The following PKNOX1 variants were observed in gnomAD, a reference collection of about 807,000 sequenced individuals.
The protein encoded by PKNOX1 is PBX/knotted 1 homeobox 1, also known as homeobox protein PKNOX1.
Under a neutral mutation model 51.9 loss-of-function variants are expected in PKNOX1, and 15 were observed. The observed-to-expected ratio is 0.29, with a 90% CI of 0.19 to 0.45. The LOEUF (loss-of-function observed/expected upper bound fraction) is 0.45, where lower values mean the gene tolerates loss of function less well. PKNOX1 is among the 20% of genes least tolerant of loss of function. The probability of loss-of-function intolerance (pLI) is 1.00; values close to 1 mark genes in which losing one functional copy is unlikely to be tolerated. For synonymous variants in PKNOX1, 219 were observed against 211.1 expected, an observed-to-expected ratio of 1.04 and a Z score of -0.32; for missense variants, 462 against 547.5, an observed-to-expected ratio of 0.84 and a Z score of 1.56.
chr21:43,023,667 T>G (rs1979861229), intron 8 of PKNOX1, among the ~76,000 whole-genome samples: 1 of 151,696 alleles, frequency 6.6e-6, no homozygotes, highest in Admixed American at 6.6e-5. Context: ...CAGGCTGGAG[T>G]GCAGTGGCGC....
At chr21:42,978,398 G>A (rs1400049852) in intron 1 of PKNOX1, among the ~76,000 whole-genome samples, 2 of 151,024 alleles carry the variant, frequency 1.3e-5, no homozygotes, top group African/African-American at 4.9e-5. Context: ...TCAAAAATTT[G>A]TGTATGTATT....
chr21:43,012,967 G>C, intron 4 of PKNOX1, 101 bp from the exon 5 acceptor site: 2 of 897,078 alleles, frequency 2.2e-6, no homozygotes, highest in Non-Finnish European at 1.7e-6. Context: ...ATTGGCAGTA[G>C]AGATGGTTCT....
intron 4 of PKNOX1, among the ~76,000 whole-genome samples, chr21:43,012,175 G>T (rs1979283609): frequency 6.6e-6 from 1 of 152,248 alleles, no homozygotes; most frequent in Non-Finnish European, 1.5e-5. Flanking sequence ...TTCATAGGCA[G>T]CTGGTGCTTA....
intron 4 of PKNOX1, among the ~76,000 whole-genome samples, chr21:43,012,559 C>T (rs937025171): frequency 4.6e-5 from 7 of 152,220 alleles, no homozygotes; most frequent in Non-Finnish European, 1.5e-5. Context: ...AAGAGTGAAA[C>T]TCTGTCTCAA....
chr21:43,029,799 G>A lies in PKNOX1; in HGVS notation c.1100-91G>A. The A allele has an allele frequency of 3.7e-6, 4 of 1,081,538 alleles. No individual in the cohort carries two copies. The South Asian group carries it at 5.7e-5, about 15-fold the overall frequency. The allele number at this position is 1,081,538 out of a possible 1,614,324, so 67.0% of individuals were successfully genotyped here. A position where few individuals can be genotyped will look rare whatever the true frequency, so the allele number is the denominator to read the frequency against. On this transcript the variant is annotated intron_variant, in intron 10 of 10. Transcript: ENST00000291547. ...ATATAGGTGTTTTATTTTAACTTTAGGTCAAACGAGCAAACAGCACCCAAT... is the reference window on the plus strand; with the variant it reads ...ATATAGGTGTTTTATTTTAACTTTAAGTCAAACGAGCAAACAGCACCCAAT...
chr21:43,025,731 A>G (rs1979958842), intron 9 of PKNOX1, among the ~76,000 whole-genome samples: 1 of 152,236 alleles, frequency 6.6e-6, no homozygotes, highest in Non-Finnish European at 1.5e-5. Flanking sequence ...ACTGGCATGC[A>G]TAAAAGAAGA....
At chr21:42,984,363 A>G (rs2059041230) in intron 1 of PKNOX1, among the ~76,000 whole-genome samples, 1 of 152,238 alleles carries the variant, frequency 6.6e-6, no homozygotes, top group South Asian at 2.1e-4. Flanking sequence ...TTAAGGTCTC[A>G]TACACTTTTG....
At position 43,029,913 on chromosome 21, in the gene PKNOX1, C is replaced by A. The variant is rs771303851; in HGVS notation, c.1123C>A (p.Pro375Thr). Reference protein sequence around the residue: ...SEGAVVTITTPVNMNVDSLQS... With the variant: ...SEGAVVTITTTVNMNVDSLQS... ...AGGAGCTGTTGTCACCATCACCACGCCCGTGAACATGAACGTGGACAGCCT... is the reference window on the plus strand; with the variant it reads ...AGGAGCTGTTGTCACCATCACCACGACCGTGAACATGAACGTGGACAGCCT... Residue 375 changes from proline (P) to threonine (T), a missense_variant, in exon 11 of 11, where the codon CCC (proline) becomes ACC (threonine). This residue lies in a region of PKNOX1 where 118 missense variants were observed against 116.8 expected (regional missense o/e 1.01). Transcript: ENST00000291547. 6.2e-7 allele frequency: 1 copy of A among 1,614,092 alleles called. No homozygotes were observed. Among genetic ancestry groups the A allele is most frequent in the Non-Finnish European group, 8.5e-7 (1 of 1,179,952 alleles).
Position 43,030,260 on chromosome 21 carries a change from A to T in PKNOX1, c.*159A>T, listed in dbSNP as rs1239806431. On this transcript the variant is annotated 3_prime_UTR_variant, in exon 11 of 11. Coordinates refer to ENST00000291547, the MANE Select transcript of PKNOX1 (RefSeq NM_004571.5). ...TTTGCCGGTGCAGCGACTTCTTTCAAGTGTGTGTGTGTGTGTGTGTGTGTG... is the reference window on the plus strand; with the variant it reads ...TTTGCCGGTGCAGCGACTTCTTTCATGTGTGTGTGTGTGTGTGTGTGTGTG... 2.2e-6 allele frequency: 1 copy of T among 457,572 alleles called. No homozygotes were observed. Among genetic ancestry groups the T allele is most frequent in the Non-Finnish European group, 3.9e-6 (1 of 255,564 alleles). The allele number at this position is 457,572 out of a possible 1,614,324, so 28.3% of individuals were successfully genotyped here.
intron 10 of PKNOX1, among the ~76,000 whole-genome samples, chr21:43,029,424 G>GTTTTTTTTTTTTTCTT (rs1980135510): frequency 1.6e-5 from 1 of 63,304 alleles, no homozygotes; most frequent in Admixed American, 2.0e-4. Context: ...TGTTTGCTTT[G>GTTTTTTTTTTTTTCTT]TTTTTTTTTT....
intron 1 of PKNOX1, among the ~76,000 whole-genome samples, chr21:42,975,483 G>A (rs1249663763): frequency 6.6e-6 from 1 of 152,260 alleles, no homozygotes; most frequent in Non-Finnish European, 1.5e-5. Flanking sequence ...GCCGGGCAGG[G>A]TCTGGGCGCC....
At chr21:43,024,988 T>C in intron 9 of PKNOX1, 41 bp downstream of exon 9, 1 of 1,274,650 alleles carries the variant, frequency 7.8e-7, no homozygotes, top group Non-Finnish European at 1.1e-6. Flanking sequence ...GTCAGCACGG[T>C]AGAGCACTTG....
intron 1 of PKNOX1, among the ~76,000 whole-genome samples, chr21:42,984,301 T>C (rs1186847728): frequency 6.6e-6 from 1 of 152,212 alleles, no homozygotes; most frequent in Non-Finnish European, 1.5e-5. Context: ...AGTTGGCATT[T>C]TAGTGATTTT....
At chr21:43,020,765 C>T (rs1039230449) in intron 7 of PKNOX1, among the ~76,000 whole-genome samples, 5 of 152,192 alleles carry the variant, frequency 3.3e-5, no homozygotes, top group Non-Finnish European at 7.3e-5. Context: ...CATGTTCTCA[C>T]TGACCTCGCT....
chr21:43,024,597 C>T, intron 8 of PKNOX1: 1 of 390,204 alleles, frequency 2.6e-6, no homozygotes, highest in African/African-American at 2.1e-5. Flanking sequence ...AGCTGCTCCT[C>T]ATGATGTCGC....
chr21:43,025,840 T>G (rs1476707147), intron 9 of PKNOX1, among the ~76,000 whole-genome samples: 1 of 152,244 alleles, frequency 6.6e-6, no homozygotes, highest in Non-Finnish European at 1.5e-5. Flanking sequence ...TTTGTCTTTG[T>G]GCAGTCGTGT....
At position 43,021,357 on chromosome 21, in the gene PKNOX1, T is replaced by C; in HGVS notation, c.775T>C (p.Ser259Pro). 1 of 1,613,420 alleles carries C rather than the reference T, an allele frequency of 6.2e-7. No homozygotes were observed. The highest frequency in any genetic ancestry group is 8.5e-7 in the Non-Finnish European group (1 of 1,179,496). The change falls in exon 8 of 11, where the codon TCT becomes CCT. Residue 259 changes from serine (S) to proline (P), a missense_variant. Ser to Pro is a moderately conservative substitution (Grantham distance 74). Transcript: ENST00000291547. The surrounding 1 kb of genome is among the most constrained non-coding windows in gnomAD (Gnocchi z 4.6). ...CATCTTGCATCAAGATGATGGTTCA[T>C]CTAAGAACAAGAGGGGCGTCCTGCC... The part of the protein sequence containing the change: ...LSILHQDDGS[S>P]KNKRGVLPKH...
chr21:42,984,930 A>G (rs537099137), intron 1 of PKNOX1, among the ~76,000 whole-genome samples: 1 of 149,916 alleles, frequency 6.7e-6, no homozygotes, highest in Non-Finnish European at 1.5e-5. Context: ...GTCCATGGGA[A>G]AGGGGTCCTT....
intron 3 of PKNOX1, chr21:43,007,851 G>C: frequency 2.5e-6 from 1 of 394,880 alleles, no homozygotes; most frequent in Non-Finnish European, 4.7e-6. Flanking sequence ...ATCACTTGAG[G>C]TTAAGAGTTT....
Sources: gnomAD v4.1 joint callset for allele counts (sites outside exome capture counted in the v4.1 genomes callset) on GRCh38, gnomAD v4.1.1 for gene constraint, gnomAD v4.1.1 regional missense constraint, Gnocchi (gnomAD v3.1) non-coding constraint, MANE v1.5 for transcripts, NCBI Gene and HGNC (gene_info 2026-07-23, HGNC 2026-07-21) for gene names.